The following FGGY variants were observed in gnomAD, a reference collection of about 807,000 sequenced individuals.
FGGY encodes the protein FGGY carbohydrate kinase domain-containing protein.
A neutral mutation model predicts 71.3 loss-of-function variants in FGGY; 72 were observed. The observed-to-expected ratio is 1.01, with a 90% CI of 0.84 to 1.23. The LOEUF (loss-of-function observed/expected upper bound fraction) is 1.23. Among genes scored for constraint, FGGY ranks in the 50% most tolerant of loss-of-function variants. FGGY has a pLI of 0.00. For missense variants in FGGY, 668 were observed against 682.3 expected, an observed-to-expected ratio of 0.98 and a Z score of 0.23; for synonymous variants, 251 against 250.3, an observed-to-expected ratio of 1.00 and a Z score of -0.02.
intron 14 of FGGY, among the ~76,000 whole-genome samples, chr1:59,741,057 G>T (rs1415087180): frequency 2.0e-5 from 3 of 152,020 alleles, no homozygotes; most frequent in African/African-American, 7.3e-5. Context: ...TTTTTAAGTG[G>T]GTACTAGAAA....
At chr1:59,346,489 C>CAAACATAACCGATTTTA in intron 4 of FGGY, 91 bp downstream of exon 4, 1 of 1,440,396 alleles carries the variant, frequency 6.9e-7, no homozygotes, top group Non-Finnish European at 9.4e-7. Flanking sequence ...CTGCTAAAAT[C>CAAACATAACCGATTTTA]GGTTATGTTT....
At chr1:59,412,253 C>T (rs998815419) in intron 5 of FGGY, among the ~76,000 whole-genome samples, 1 of 152,116 alleles carries the variant, frequency 6.6e-6, no homozygotes, top group Non-Finnish European at 1.5e-5. Flanking sequence ...TGGTTGCTAC[C>T]TCTGGATCTC....
chr1:59,330,386 T>G (rs2048233422), intron 2 of FGGY, among the ~76,000 whole-genome samples: 1 of 152,022 alleles, frequency 6.6e-6, no homozygotes, highest in African/African-American at 2.4e-5. Context: ...CTGGTCAACA[T>G]GGCAAAACCT....
intron 9 of FGGY, among the ~76,000 whole-genome samples, chr1:59,608,702 A>G (rs34049736): frequency 0.1 from 15,147 of 152,140 alleles, 853 homozygotes; most frequent in South Asian, 0.29. Flanking sequence ...GCTCGATGGC[A>G]GGCGCCTGTA....
At chr1:59,448,896 A>G (rs1403681459) in intron 5 of FGGY, among the ~76,000 whole-genome samples, 1 of 152,166 alleles carries the variant, frequency 6.6e-6, no homozygotes, top group Non-Finnish European at 1.5e-5. Flanking sequence ...TCATGCCTAA[A>G]ATAGTCCACG....
At chr1:59,412,926 A>G (rs747525700) in intron 5 of FGGY, among the ~76,000 whole-genome samples, 1 of 152,192 alleles carries the variant, frequency 6.6e-6, no homozygotes. Flanking sequence ...ATGGGCTGAG[A>G]GAAGACTGAT....
intron 2 of FGGY, among the ~76,000 whole-genome samples, chr1:59,325,065 A>G (rs1343196403): frequency 6.6e-6 from 1 of 152,198 alleles, no homozygotes; most frequent in African/African-American, 2.4e-5. Context: ...CTTATAAAGT[A>G]AGCTTAGGCG....
At chr1:59,426,118 A>C (rs552292325) in intron 5 of FGGY, among the ~76,000 whole-genome samples, 24 of 152,268 alleles carry the variant, frequency 1.6e-4, no homozygotes, top group African/African-American at 5.8e-4. Flanking sequence ...GGTGGAGGGC[A>C]TTTAACATGT....
chr1:59,361,651 C>T (rs1281298979), intron 4 of FGGY, among the ~76,000 whole-genome samples: 1 of 152,072 alleles, frequency 6.6e-6, no homozygotes, highest in East Asian at 1.9e-4. Context: ...TGAAGGGGGA[C>T]CTCATGGGAT....
At chr1:59,342,806 A>G (rs1260468874) in intron 3 of FGGY, among the ~76,000 whole-genome samples, 1 of 152,224 alleles carries the variant, frequency 6.6e-6, no homozygotes, top group Non-Finnish European at 1.5e-5. Flanking sequence ...TAAGACCAGC[A>G]AAAGTATTGC....
At chr1:59,608,796 C>T (rs1168539366) in intron 9 of FGGY, among the ~76,000 whole-genome samples, 1 of 152,142 alleles carries the variant, frequency 6.6e-6, no homozygotes, top group Non-Finnish European at 1.5e-5. Context: ...GAGAATGCAA[C>T]ACTGCACTTC....
At chr1:59,398,930 A>T (rs835420) in intron 5 of FGGY, among the ~76,000 whole-genome samples, 3 of 152,166 alleles carry the variant, frequency 2.0e-5, no homozygotes, top group African/African-American at 4.8e-5. Context: ...GTGGCAATGT[A>T]TGTGGCTTCA....
intron 14 of FGGY, among the ~76,000 whole-genome samples, chr1:59,720,039 G>A (rs1469275287): frequency 6.6e-6 from 1 of 152,146 alleles, no homozygotes; most frequent in Non-Finnish European, 1.5e-5. Context: ...CCTCCTCATT[G>A]GTAAAAATCT....
chr1:59,396,031 G>A (rs2061282437), intron 5 of FGGY, among the ~76,000 whole-genome samples: 2 of 152,166 alleles, frequency 1.3e-5, no homozygotes, highest in South Asian at 2.1e-4. Flanking sequence ...AGCAGCATGA[G>A]CAGCGTCACT....
chr1:59,759,296 A>C (rs1442279342), intron 15 of FGGY, among the ~76,000 whole-genome samples: 1 of 152,128 alleles, frequency 6.6e-6, no homozygotes, highest in Non-Finnish European at 1.5e-5. Context: ...TAACCCTCCG[A>C]ATATAAACCC....
chr1:59,661,982 G>T (rs1378669420), intron 12 of FGGY, among the ~76,000 whole-genome samples: 1 of 147,020 alleles, frequency 6.8e-6, no homozygotes, highest in Admixed American at 6.7e-5. Flanking sequence ...GCCTCCCAAA[G>T]TGCTGGGATT....
At chr1:59,438,346 TG>T (rs1205692973) in intron 5 of FGGY, among the ~76,000 whole-genome samples, 165 of 152,386 alleles carry the variant, frequency 1.1e-3, no homozygotes, top group African/African-American at 3.8e-3. Flanking sequence ...AAGTATCAGT[TG>T]GGAACTTACT....
intron 14 of FGGY, among the ~76,000 whole-genome samples, chr1:59,686,183 C>T (rs993378025): frequency 2.6e-5 from 4 of 152,074 alleles, no homozygotes; most frequent in Non-Finnish European, 5.9e-5. Flanking sequence ...CAAGAATACC[C>T]AGTTTGGTAG....
rs193170906 is a variant in FGGY, at chr1:59,690,379, G to T, written c.1512+16246G>T. ...GGAACCTGAATCACCAAGAGGCCACGCGCTTTCCCAAGCTTACATAGCTGG... is the reference window on the plus strand; with the variant it reads ...GGAACCTGAATCACCAAGAGGCCACTCGCTTTCCCAAGCTTACATAGCTGG... On this transcript the variant is annotated intron_variant, in intron 14 of 15. Coordinates refer to ENST00000303721, the MANE Select transcript of FGGY (RefSeq NM_018291.5). 1.2e-4 allele frequency among the ~76,000 whole-genome samples: 19 copies of T among 152,286 alleles called. 2 individuals carry two copies. The South Asian group carries it at 3.7e-3, about 30-fold the overall frequency.
Sources: gnomAD v4.1 joint callset for allele counts (sites outside exome capture counted in the v4.1 genomes callset) on GRCh38, gnomAD v4.1.1 for gene constraint, MANE v1.5 for transcripts, NCBI Gene and HGNC (gene_info 2026-07-23, HGNC 2026-07-21) for gene names.